CTNNA3: variants seen among roughly 807,000 people sequenced by gnomAD.
CTNNA3 encodes catenin alpha-3.
CTNNA3 carries 76 observed loss-of-function variants against 95.7 expected under a neutral mutation model. The observed-to-expected ratio is 0.79, with a 90% CI of 0.66 to 0.96. CTNNA3 has a LOEUF of 0.96. CTNNA3 is among the 40% of genes least tolerant of loss of function. The pLI, the probability that CTNNA3 is intolerant of heterozygous loss-of-function variation, is 0.00. For synonymous variants in CTNNA3, 431 were observed against 374.4 expected (o/e 1.15, Z -1.74); for missense variants, 1,191 against 1,089.8 (o/e 1.09, Z -1.31).
intron 1 of CTNNA3, among the ~76,000 whole-genome samples, chr10:67,672,823 G>A (rs1840463022): frequency 1.3e-5 from 2 of 152,132 alleles, no homozygotes; most frequent in African/African-American, 4.8e-5. Context: ...TTTTGGCTTA[G>A]GATTGACTTG....
intron 3 of CTNNA3, among the ~76,000 whole-genome samples, chr10:67,568,006 C>T (rs892716446): frequency 2.8e-4 from 42 of 152,124 alleles, no homozygotes; most frequent in African/African-American, 9.4e-4. Flanking sequence ...TAGTTGACAA[C>T]TTGCCCCACT....
intron 7 of CTNNA3, among the ~76,000 whole-genome samples, chr10:66,790,732 T>G (rs4339932): frequency 0.85 from 129,725 of 152,032 alleles, 55,894 homozygotes; most frequent in East Asian, 1. Context: ...TAGGATACAG[T>G]ATTGGTCATT....
intron 11 of CTNNA3, among the ~76,000 whole-genome samples, chr10:66,479,429 A>ACAAAT (rs1425370622): frequency 6.6e-6 from 1 of 151,982 alleles, no homozygotes; most frequent in African/African-American, 2.4e-5. Flanking sequence ...CTTTTCACAC[A>ACAAAT]CAAATCAAAA....
intron 10 of CTNNA3, among the ~76,000 whole-genome samples, chr10:66,561,635 A>C (rs1246495596): frequency 6.6e-6 from 1 of 152,082 alleles, no homozygotes; most frequent in African/African-American, 2.4e-5. Context: ...GAGGAAGTTA[A>C]AGGACTCTGA....
At chr10:66,405,932 T>C (rs943913544) in intron 11 of CTNNA3, among the ~76,000 whole-genome samples, 2 of 152,184 alleles carry the variant, frequency 1.3e-5, no homozygotes, top group African/African-American at 4.8e-5. Context: ...GAAATAGTCA[T>C]ATTTTGAAAG....
chr10:66,868,807 A>C (rs1844287794), intron 7 of CTNNA3, among the ~76,000 whole-genome samples: 1 of 152,158 alleles, frequency 6.6e-6, no homozygotes, highest in Non-Finnish European at 1.5e-5. Flanking sequence ...TACTGTGAGC[A>C]TAGAGGAGAC....
intron 9 of CTNNA3, among the ~76,000 whole-genome samples, chr10:66,740,779 C>A (rs1849301965): frequency 6.6e-6 from 1 of 152,130 alleles, no homozygotes; most frequent in Non-Finnish European, 1.5e-5. Flanking sequence ...TCCACTTGAC[C>A]TTGTTTAACC....
At chr10:67,436,880 G>A (rs1037768092) in intron 5 of CTNNA3, among the ~76,000 whole-genome samples, 5 of 152,310 alleles carry the variant, frequency 3.3e-5, no homozygotes, top group East Asian at 1.9e-4. Context: ...TGGTGGAAAT[G>A]TAAACTAGTA....
intron 10 of CTNNA3, among the ~76,000 whole-genome samples, chr10:66,605,503 A>C (rs961450322): frequency 6.6e-6 from 1 of 152,144 alleles, no homozygotes; most frequent in Non-Finnish European, 1.5e-5. Flanking sequence ...AAGACATACA[A>C]TCATCAGATT....
intron 7 of CTNNA3, among the ~76,000 whole-genome samples, chr10:66,918,840 TA>T: frequency 6.6e-6 from 1 of 152,230 alleles, no homozygotes; most frequent in South Asian, 2.1e-4. Context: ...AGAGAGGTTA[TA>T]AAGACATATG....
chr10:66,555,851 G>A lies in CTNNA3; in HGVS notation c.1375-35078C>T, dbSNP rs548802247. On this transcript the variant is annotated intron_variant, in intron 10 of 17. Transcript: ENST00000433211. ...AACTTTTGGACAGTACAGCAAACAAGAGCACAAATAAACAAGTGGAACTAT... is the reference window on the plus strand; with the variant it reads ...AACTTTTGGACAGTACAGCAAACAAAAGCACAAATAAACAAGTGGAACTAT... 5.0e-4 allele frequency among the ~76,000 whole-genome samples: 76 copies of A among 151,850 alleles called. 1 individual carries two copies. The highest frequency in any genetic ancestry group is 1.7e-3 in the African/African-American group (72 of 41,432).
chr10:67,566,041 G>GTATATATATATATATA (rs1388066358), intron 3 of CTNNA3, among the ~76,000 whole-genome samples: 434 of 29,276 alleles, frequency 0.015, 7 homozygotes, highest in African/African-American at 0.028. Context: ...ATATGTGTGT[G>GTATATATATATATATA]TGTATATATA....
At chr10:66,471,263 CTA>C (rs567947062) in intron 11 of CTNNA3, among the ~76,000 whole-genome samples, 17 of 151,612 alleles carry the variant, frequency 1.1e-4, no homozygotes, top group Non-Finnish European at 2.4e-4. Flanking sequence ...TAATGTATAT[CTA>C]TGTCTTACAA....
Position 66,621,794 on chromosome 10 carries a change from A to C in CTNNA3, c.1282-10T>G. The C allele has an allele frequency of 1.3e-6, 2 of 1,544,180 alleles. No homozygotes were observed. Among genetic ancestry groups the C allele is most frequent in the East Asian group, 2.3e-5 (1 of 43,968 alleles). ...AAGCAAGATTTGCCACCTTAAATAC[A>C]ATCCAAAATAATGGAAATTATTTTA... On this transcript the variant is annotated splice_polypyrimidine_tract_variant and intron_variant, in intron 9 of 17. Transcript: ENST00000433211.
chr10:65,917,834 T>G lies in CTNNA3; in HGVS notation c.*2496A>C, dbSNP rs1301843797. 1.3e-5 allele frequency: 2 copies of G among 152,162 alleles called. No homozygotes were observed. The highest frequency in any genetic ancestry group is 4.8e-5 in the African/African-American group (2 of 41,452). The allele number at this position is 152,162 out of a possible 1,614,324, so 9.4% of individuals were successfully genotyped here. ...CATAATGGGGAGATTTATTCATATC[T>G]TGCTGCTAGTTTTTCTTGCATATAA... On this transcript the variant is annotated 3_prime_UTR_variant, in exon 18 of 18. Coordinates refer to ENST00000433211, the MANE Select transcript of CTNNA3 (RefSeq NM_013266.4).
chr10:66,095,950 C>T (rs1171030232), intron 14 of CTNNA3, among the ~76,000 whole-genome samples: 2 of 152,020 alleles, frequency 1.3e-5, no homozygotes, highest in East Asian at 3.9e-4. Context: ...AGACCTTAGT[C>T]ATCAAGCAAA....
At chr10:66,740,330 T>G (rs1233186823) in intron 9 of CTNNA3, among the ~76,000 whole-genome samples, 1 of 152,158 alleles carries the variant, frequency 6.6e-6, no homozygotes, top group Non-Finnish European at 1.5e-5. Flanking sequence ...AACACAGAAG[T>G]CCCACACTGG....
intron 9 of CTNNA3, among the ~76,000 whole-genome samples, chr10:66,634,085 G>T (rs569766390): frequency 1.3e-5 from 2 of 152,146 alleles, no homozygotes; most frequent in East Asian, 3.9e-4. Flanking sequence ...TCTGAGGAGT[G>T]AAAATCAAGG....
At chr10:67,089,686 CCAAT>C (rs1392178075) in intron 7 of CTNNA3, among the ~76,000 whole-genome samples, 5 of 149,220 alleles carry the variant, frequency 3.4e-5, no homozygotes, top group Non-Finnish European at 7.4e-5. Context: ...GTCGAATCAG[CCAAT>C]CAGAGTATAC....
Sources: gnomAD v4.1 joint callset for allele counts (sites outside exome capture counted in the v4.1 genomes callset) on GRCh38, gnomAD v4.1.1 for gene constraint, MANE v1.5 for transcripts, NCBI Gene and HGNC (gene_info 2026-07-23, HGNC 2026-07-21) for gene names.